Variants in HMGB1 observed in about 807,000 individuals in gnomAD.
HMGB1 encodes the protein high mobility group box 1.
For synonymous variants in HMGB1, 81 were observed against 84.0 expected, an observed-to-expected ratio of 0.96 and a Z score of 0.19; for missense variants, 79 against 253.5, an observed-to-expected ratio of 0.31 and a Z score of 4.67.
At position 30,462,522 on chromosome 13, in the gene HMGB1, A is replaced by C. The variant is rs760319277; in HGVS notation, c.471+16T>G. 19 of 1,605,262 alleles carry C rather than the reference A, an allele frequency of 1.2e-5. No individual in the cohort carries two copies. Among genetic ancestry groups the C allele is most frequent in the Non-Finnish European group, 1.5e-5 (17 of 1,172,118 alleles). On this transcript the variant is annotated intron_variant, in intron 4 of 4. Coordinates refer to ENST00000341423, the MANE Select transcript of HMGB1 (RefSeq NM_002128.7). ...GTACTTGTCATCATTTTACCAAGCA[A>C]ACCCACACTTCTTACCTTTTCATAT... is the stretch of plus-strand genomic sequence containing the variant.
chr13:30,537,297 A>G (rs1175113277), intron 1 of HMGB1, among the ~76,000 whole-genome samples: 1 of 151,990 alleles, frequency 6.6e-6, no homozygotes, highest in African/African-American at 2.4e-5. Flanking sequence ...CATAAATTTC[A>G]CTATGGTGTG....
intron 1 of HMGB1, among the ~76,000 whole-genome samples, chr13:30,522,871 G>A (rs1032956221): frequency 1.2e-4 from 19 of 152,126 alleles, no homozygotes; most frequent in African/African-American, 4.1e-4. Context: ...ATGCACTGCC[G>A]TGCCTGGCTC....
chr13:30,464,639 GGGGGCTGGCTCCGCCCGCGGCCGCC>G (rs1179754312), intron 1 of HMGB1: 1 of 983,784 alleles, frequency 1.0e-6, no homozygotes, highest in Admixed American at 6.2e-5. Flanking sequence ...CGCTCGAAAT[GGGGGCTGGCTCCGCCCGCGGCCGCC>G]GGGGCCGGCG....
At chr13:30,548,707 G>T (rs1869282672) in intron 1 of HMGB1, among the ~76,000 whole-genome samples, 1 of 152,168 alleles carries the variant, frequency 6.6e-6, no homozygotes, top group Non-Finnish European at 1.5e-5. Context: ...ATGTCACTCA[G>T]AACCTACAGT....
intron 1 of HMGB1, among the ~76,000 whole-genome samples, chr13:30,601,741 G>A (rs1304167968): frequency 1.1e-4 from 1 of 9,140 alleles, no homozygotes; most frequent in East Asian, 1.0e-3. Context: ...GCGAGACTCC[G>A]TCTCAAAAAA....
chr13:30,600,524 G>C (rs1950388384), intron 1 of HMGB1, among the ~76,000 whole-genome samples: 1 of 152,134 alleles, frequency 6.6e-6, no homozygotes, highest in African/African-American at 2.4e-5. Context: ...TATTCTGCTA[G>C]ATATTTTAGA....
chr13:30,488,525 C>T (rs1299551448), intron 1 of HMGB1, among the ~76,000 whole-genome samples: 2 of 151,768 alleles, frequency 1.3e-5, no homozygotes, highest in African/African-American at 4.8e-5. Flanking sequence ...TCTCTGTTGC[C>T]CAGGCTGGAG....
At chr13:30,569,094 G>C (rs1164178683) in intron 1 of HMGB1, among the ~76,000 whole-genome samples, 2 of 151,964 alleles carry the variant, frequency 1.3e-5, no homozygotes, top group Non-Finnish European at 2.9e-5. Flanking sequence ...AGAATCGCTT[G>C]AACCCAGGAA....
intron 1 of HMGB1, among the ~76,000 whole-genome samples, chr13:30,562,493 GTA>G (rs1214188852): frequency 2.6e-5 from 4 of 152,018 alleles, no homozygotes; most frequent in African/African-American, 7.2e-5. Flanking sequence ...TATATGAAAA[GTA>G]TATGAATTAA....
intron 1 of HMGB1, among the ~76,000 whole-genome samples, chr13:30,560,831 T>C (rs939204556): frequency 2.0e-5 from 3 of 152,146 alleles, no homozygotes; most frequent in African/African-American, 7.2e-5. Context: ...TCAACTGACA[T>C]GAGAAAGGTG....
chr13:30,560,232 G>A (rs1259686496), intron 1 of HMGB1, among the ~76,000 whole-genome samples: 1 of 152,214 alleles, frequency 6.6e-6, no homozygotes, highest in African/African-American at 2.4e-5. Context: ...CCAGGAAAAA[G>A]TAGGGTCATG....
chr13:30,462,792 T>C (rs1886440696), intron 3 of HMGB1, 80 bp from the exon 4 acceptor site: 2 of 1,137,046 alleles, frequency 1.8e-6, no homozygotes, highest in Admixed American at 4.4e-5. Context: ...TGCATTGCTA[T>C]TTAAAGCTGC....
At chr13:30,587,402 G>A (rs370082039) in intron 1 of HMGB1, among the ~76,000 whole-genome samples, 3 of 152,110 alleles carry the variant, frequency 2.0e-5, no homozygotes, top group African/African-American at 7.2e-5. Flanking sequence ...ACCACAGCAC[G>A]CTACAGCATC....
upstream of HMGB1, chr13:30,466,002 A>G (rs978916675): frequency 7.2e-6 from 7 of 972,674 alleles, no homozygotes; most frequent in African/African-American, 1.8e-5. Context: ...TTGGCCCGAT[A>G]CCTCCCATTG....
intron 1 of HMGB1, among the ~76,000 whole-genome samples, chr13:30,579,649 C>T (rs1870815915): frequency 6.6e-6 from 1 of 152,050 alleles, no homozygotes; most frequent in Non-Finnish European, 1.5e-5. Flanking sequence ...ACCCTGAGGA[C>T]AGTAATGGGA....
At chr13:30,475,498 C>A (rs1483307732) in intron 1 of HMGB1, among the ~76,000 whole-genome samples, 2 of 150,432 alleles carry the variant, frequency 1.3e-5, no homozygotes, top group African/African-American at 4.9e-5. Context: ...CAAGTGTGAG[C>A]CAATGTGCCC....
intron 1 of HMGB1, among the ~76,000 whole-genome samples, chr13:30,491,868 C>T (rs1566004575): frequency 6.6e-6 from 1 of 152,028 alleles, no homozygotes; most frequent in Admixed American, 6.6e-5. Context: ...TAAAAATTTG[C>T]TCTTAGAAAG....
At chr13:30,550,703 T>G (rs888723187) in intron 1 of HMGB1, among the ~76,000 whole-genome samples, 1 of 152,244 alleles carries the variant, frequency 6.6e-6, no homozygotes, top group Admixed American at 6.5e-5. Flanking sequence ...ATATCTGTTC[T>G]GTCATTCCTG....
In HMGB1 at chr13:30,555,102, C is replaced by T. The variant is rs1193605126; in HGVS notation, c.-15+61569G>A. On this transcript the variant is annotated intron_variant, in intron 1 of 4. Transcript: ENST00000405805. ...TGTTGCCCAGGCTGGAGTACAGTGG[C>T]GCGATCTCGGCTCACTGCAAGCTCC... Among the ~76,000 whole-genome samples, 17 of 121,608 alleles carry T rather than the reference C, an allele frequency of 1.4e-4. No individual in the cohort carries two copies. In the Admixed American group the frequency reaches 1.9e-3, roughly 14 times the overall value. The allele number at this position is 121,608 out of a possible 152,430, so 79.8% of individuals were successfully genotyped here. A position where few individuals can be genotyped will look rare whatever the true frequency, so the allele number is the denominator to read the frequency against.
Sources: allele counts gnomAD v4.1 joint callset (sites outside exome capture counted in the v4.1 genomes callset), GRCh38; gene constraint gnomAD v4.1.1; transcripts MANE v1.5; gene names NCBI Gene and HGNC (gene_info 2026-07-23, HGNC 2026-07-21).